Variants in GRID2 observed in about 807,000 individuals in gnomAD.
GRID2 encodes the protein glutamate ionotropic receptor delta type subunit 2.
A neutral mutation model predicts 114.8 loss-of-function variants in GRID2; 33 were observed. The ratio of observed to expected loss-of-function variants is 0.29; its 90% CI spans 0.22 to 0.38. GRID2 has a LOEUF of 0.38. GRID2 is among the 10% of genes least tolerant of loss of function. The probability of loss-of-function intolerance (pLI) is 1.00; values close to 1 mark genes in which losing one functional copy is unlikely to be tolerated. For missense variants in GRID2, 1,184 were observed against 1,257.7 expected (o/e 0.94, Z 0.89); for synonymous variants, 505 against 449.9 (o/e 1.12, Z -1.55).
At chr4:92,917,752 C>A (rs543806162) in intron 2 of GRID2, among the ~76,000 whole-genome samples, 1 of 151,906 alleles carries the variant, frequency 6.6e-6, no homozygotes, top group East Asian at 1.9e-4. Flanking sequence ...GGTTACTGTA[C>A]CCTTGTAGTA....
intron 2 of GRID2, among the ~76,000 whole-genome samples, chr4:92,843,309 A>G (rs1409506257): frequency 6.6e-6 from 1 of 152,078 alleles, no homozygotes; most frequent in Non-Finnish European, 1.5e-5. Context: ...GTAAAGCAGA[A>G]GTTCATAAAT....
intron 1 of GRID2, among the ~76,000 whole-genome samples, chr4:92,365,957 A>G (rs1728840339): frequency 6.6e-6 from 1 of 152,040 alleles, no homozygotes. Flanking sequence ...AAAAAGATGT[A>G]TTTCAAAGAA....
At chr4:92,951,333 TTTTATTTATTTA>T (rs529155664) in intron 2 of GRID2, among the ~76,000 whole-genome samples, 5,329 of 150,482 alleles carry the variant, frequency 0.035, 114 homozygotes, top group Non-Finnish European at 0.041. Flanking sequence ...TCGCAAAATT[TTTTATTTATTTA>T]TTTATTTATT....
At chr4:93,170,293 A>C (rs921050447) in intron 4 of GRID2, among the ~76,000 whole-genome samples, 2 of 152,146 alleles carry the variant, frequency 1.3e-5, no homozygotes, top group Admixed American at 6.5e-5. Flanking sequence ...CACGTTGGCC[A>C]GGCTAGTCTT....
At chr4:93,628,908 C>T (rs568174698) in intron 14 of GRID2, among the ~76,000 whole-genome samples, 2 of 151,436 alleles carry the variant, frequency 1.3e-5, no homozygotes, top group East Asian at 2.0e-4. Context: ...TGGGATTACA[C>T]ATGCACGCCA....
intron 2 of GRID2, among the ~76,000 whole-genome samples, chr4:92,669,064 T>A (rs962882595): frequency 1.5e-4 from 23 of 151,908 alleles, no homozygotes; most frequent in African/African-American, 4.8e-4. Context: ...GATACGGTTT[T>A]AAAAAATTAA....
intron 4 of GRID2, among the ~76,000 whole-genome samples, chr4:93,125,586 G>T (rs1288762890): frequency 6.6e-6 from 1 of 151,952 alleles, no homozygotes; most frequent in Non-Finnish European, 1.5e-5. Context: ...TGAGAAACTT[G>T]CAAAAGTAAA....
intron 2 of GRID2, among the ~76,000 whole-genome samples, chr4:92,624,135 T>G (rs1730408538): frequency 6.6e-6 from 1 of 151,880 alleles, no homozygotes; most frequent in African/African-American, 2.4e-5. Flanking sequence ...CCATGTCTTA[T>G]TCTACATTCT....
At chr4:93,480,913 T>A (rs570512265) in intron 11 of GRID2, among the ~76,000 whole-genome samples, 2 of 110,054 alleles carry the variant, frequency 1.8e-5, no homozygotes, top group African/African-American at 2.7e-5. Context: ...ATCTCTACAG[T>A]AGGCCAGGGA....
Position 92,994,341 on chromosome 4 carries a change from T to TTTTG in GRID2, c.245-90630_245-90627dup, listed in dbSNP as rs573625295. Among the ~76,000 whole-genome samples, 135 of 152,068 alleles carry TTTTG rather than the reference T, an allele frequency of 8.9e-4. 1 individual carries two copies. Among genetic ancestry groups the TTTTG allele is most frequent in the Middle Eastern group, 3.4e-3 (1 of 294 alleles). On this transcript the variant is annotated intron_variant, in intron 2 of 15. Coordinates refer to ENST00000282020, the MANE Select transcript of GRID2 (RefSeq NM_001510.4). ...CATGTTTCGCACTTTAAGTTATTGT[T>TTTTG]TTTGTTTGTTTGTTTGTTTGTTTGT...
rs1451232857 is a variant in GRID2, at chr4:92,539,509, TG to T, written c.89-50621del. ...AATTTAAATTTTTATTACTTTTGGC[TG>T]TTTTTTTGGTAATTATAATCCTAGA... On this transcript the variant is annotated intron_variant, in intron 1 of 15. Transcript: ENST00000282020. Among the ~76,000 whole-genome samples, 5 of 152,282 alleles carry T rather than the reference TG, an allele frequency of 3.3e-5. 1 individual carries two copies. In the South Asian group the frequency reaches 6.2e-4, roughly 19 times the overall value.
At chr4:92,704,047 C>A (rs1211640529) in intron 2 of GRID2, among the ~76,000 whole-genome samples, 2 of 151,896 alleles carry the variant, frequency 1.3e-5, no homozygotes, top group Middle Eastern at 6.3e-3. Flanking sequence ...GAGGCCAAGG[C>A]GGATAGATCA....
intron 1 of GRID2, among the ~76,000 whole-genome samples, chr4:93,780,765 T>C (rs375867609): frequency 5.9e-5 from 9 of 152,222 alleles, no homozygotes; most frequent in Middle Eastern, 3.4e-3. Flanking sequence ...CCTCCGTCAG[T>C]GGCAGTGGGG....
intron 2 of GRID2, among the ~76,000 whole-genome samples, chr4:92,976,584 T>G (rs186431474): frequency 2.0e-5 from 3 of 152,226 alleles, no homozygotes; most frequent in African/African-American, 7.2e-5. Flanking sequence ...TGGCACACTA[T>G]TCCCACTTCC....
At chr4:92,504,313 A>G (rs1723840458) in intron 1 of GRID2, among the ~76,000 whole-genome samples, 1 of 152,056 alleles carries the variant, frequency 6.6e-6, no homozygotes, top group African/African-American at 2.4e-5. Flanking sequence ...AGAAAAACCC[A>G]AATTCCTAGA....
intron 8 of GRID2, among the ~76,000 whole-genome samples, chr4:93,315,055 C>G (rs1215212052): frequency 6.6e-6 from 1 of 152,084 alleles, no homozygotes; most frequent in Admixed American, 6.6e-5. Flanking sequence ...AGGAAACTTA[C>G]AATGATGGCA....
chr4:93,505,564 T>A (rs185939778), intron 12 of GRID2, among the ~76,000 whole-genome samples: 3 of 149,938 alleles, frequency 2.0e-5, no homozygotes. Context: ...TAGGACCTTT[T>A]ATAGTGAAGA....
At chr4:93,311,411 C>T (rs1422072466) in intron 8 of GRID2, among the ~76,000 whole-genome samples, 1 of 152,078 alleles carries the variant, frequency 6.6e-6, no homozygotes, top group South Asian at 2.1e-4. Flanking sequence ...TAACTGTGCA[C>T]CAATTTCTTC....
chr4:92,783,642 G>A (rs76197761), intron 2 of GRID2, among the ~76,000 whole-genome samples: 4,964 of 152,012 alleles, frequency 0.033, 136 homozygotes, highest in East Asian at 0.12. Context: ...CCAGAGTTTT[G>A]GAGGCCCAGG....
Sources: gnomAD v4.1 joint callset for allele counts (sites outside exome capture counted in the v4.1 genomes callset) on GRCh38, gnomAD v4.1.1 for gene constraint, MANE v1.5 for transcripts, NCBI Gene and HGNC (gene_info 2026-07-23, HGNC 2026-07-21) for gene names.